Variants in DIDO1 observed in about 807,000 individuals in gnomAD.
DIDO1 encodes death-inducer obliterator 1.
In DIDO1, 16 loss-of-function variants were observed where a neutral mutation model predicts 99.4. The observed-to-expected ratio is 0.16, with a 90% CI of 0.11 to 0.24. The LOEUF (loss-of-function observed/expected upper bound fraction) is 0.24, where lower values mean the gene tolerates loss of function less well. Among genes scored for constraint, DIDO1 ranks in the 10% least tolerant of loss-of-function variants. The pLI is 1.00. For synonymous variants in DIDO1, 1,366 were observed against 1,239.1 expected, an observed-to-expected ratio of 1.10 and a Z score of -2.15; for missense variants, 2,996 against 3,014.0, an observed-to-expected ratio of 0.99 and a Z score of 0.14.
Position 62,881,512 on chromosome 20 carries a change from G to A in DIDO1, c.4444C>T (p.Leu1482=). Residue 1482 remains leucine (L), a synonymous_variant, in exon 16 of 16, where the codon CTG becomes TTG. Transcript: ENST00000395343. This position sits in a 1 kb window ranked among gnomAD's most constrained non-coding sequence, Gnocchi z 8.3. The part of the protein sequence containing the change: ...LVEQQKMLEE[L]NKQIEEQKRQ... ...TTCTGCTCCTCGATCTGTTTGTTCA[G>A]CTCTTCTAGCATCTTCTGTTGCTCC... 1 of 1,611,192 alleles carries A rather than the reference G, an allele frequency of 6.2e-7. No homozygotes were observed. Among genetic ancestry groups the A allele is most frequent in the Middle Eastern group, 1.6e-4 (1 of 6,062 alleles).
In DIDO1 at chr20:62,896,635, C is replaced by T. The variant is rs756256973; in HGVS notation, c.1950G>A (p.Ser650=). 30 of 1,613,878 alleles carry T rather than the reference C, an allele frequency of 1.9e-5. No individual in the cohort carries two copies. Among genetic ancestry groups the T allele is most frequent in the South Asian group, 9.9e-5 (9 of 91,078 alleles). ...TAGCCCCAAGGCGTCCTGGGGCTGG[C>T]GAGGCCATTGGAACAGAAGGTACCA... ...KPVVPSVPMA[S]PAPGRLGAMS... Residue 650 remains serine, a synonymous_variant, in exon 7 of 16, where the codon TCG becomes TCA. Transcript: ENST00000395343. This position sits in a 1 kb window ranked among gnomAD's most constrained non-coding sequence, Gnocchi z 4.4.
Position 62,895,135 on chromosome 20 carries a change from T to C in DIDO1, c.2245A>G (p.Ile749Val), listed in dbSNP as rs545642235. 3.7e-6 allele frequency: 6 copies of C among 1,611,806 alleles called. No homozygotes were observed. Among genetic ancestry groups the C allele is most frequent in the Non-Finnish European group, 2.5e-6 (3 of 1,178,106 alleles). The change falls in exon 9 of 16, where the codon ATC becomes GTC. Residue 749 changes from isoleucine to valine, a missense_variant. Around this residue, in one of 5 missense-constraint regions of DIDO1, gnomAD observed 898 missense variants for 972.7 expected, o/e 0.92. Transcript: ENST00000395343. ...GLFHRVLREEISLAKLVRLKP... is the reference protein window; with the variant it reads ...GLFHRVLREEVSLAKLVRLKP... ...AGTCTCACAAGTTTCGCCAAAGAGA[T>C]TTCCTCACGCAGAACACGATGGAAG...
chr20:62,895,995 G>T (rs989385107), intron 8 of DIDO1, among the ~76,000 whole-genome samples: 1 of 152,200 alleles, frequency 6.6e-6, no homozygotes, highest in Non-Finnish European at 1.5e-5. Flanking sequence ...GTGATAAAAG[G>T]TGGACTTCAG....
intron 1 of DIDO1, among the ~76,000 whole-genome samples, chr20:62,932,426 CA>C (rs2065341110): frequency 6.6e-6 from 1 of 152,222 alleles, no homozygotes; most frequent in Non-Finnish European, 1.5e-5. Context: ...TGTATATTTA[CA>C]TATATTTTTT....
chr20:62,926,173 C>A (rs1241096952), intron 1 of DIDO1, among the ~76,000 whole-genome samples: 1 of 152,104 alleles, frequency 6.6e-6, no homozygotes, highest in Non-Finnish European at 1.5e-5. Flanking sequence ...GCTCGCCAGT[C>A]CCCTCGACCT....
intron 1 of DIDO1, among the ~76,000 whole-genome samples, chr20:62,919,527 CA>C (rs1254874275): frequency 6.7e-6 from 1 of 149,032 alleles, no homozygotes; most frequent in African/African-American, 2.5e-5. Context: ...GCAACAAGAG[CA>C]AAACTCCCTC....
In DIDO1 at chr20:62,931,819, A is replaced by C. The variant is rs1400533523; in HGVS notation, c.-200+5977T>G. Among the ~76,000 whole-genome samples, 4 of 152,238 alleles carry C rather than the reference A, an allele frequency of 2.6e-5. No individual in the cohort carries two copies. The South Asian group carries it at 6.2e-4, about 24-fold the overall frequency. The stretch of plus-strand genomic sequence containing the variant: ...GCTACAATTGTGCAGGCTACAATTA[A>C]AGATTTTTTTCTTAAATGAAAACAC... On this transcript the variant is annotated intron_variant, in intron 1 of 15. Coordinates refer to the DIDO1 transcript ENST00000266070.
intron 1 of DIDO1, among the ~76,000 whole-genome samples, chr20:62,915,608 C>T (rs1017186246): frequency 3.9e-5 from 6 of 152,174 alleles, no homozygotes; most frequent in Non-Finnish European, 7.3e-5. Flanking sequence ...CCTGGCTTAG[C>T]CTCATGAGCA....
chr20:62,895,826 C>T (rs372720267), intron 8 of DIDO1, among the ~76,000 whole-genome samples: 23 of 152,290 alleles, frequency 1.5e-4, no homozygotes, highest in African/African-American at 3.4e-4. Context: ...CAGGCTCACT[C>T]GGCTGATGAG....
chr20:62,924,600 C>T (rs1321618737), intron 1 of DIDO1, among the ~76,000 whole-genome samples: 3 of 152,154 alleles, frequency 2.0e-5, no homozygotes. Context: ...GCGAACAAAA[C>T]GGGAGCCAAT....
intron 15 of DIDO1, chr20:62,890,473 G>A (rs1357904956): frequency 4.0e-6 from 4 of 992,758 alleles, no homozygotes; most frequent in African/African-American, 1.7e-5. Context: ...AATTTGAGCT[G>A]CAGATTTTAA....
Position 62,894,263 on chromosome 20 carries a change from A to C in DIDO1, c.2573-69T>G. On this transcript the variant is annotated intron_variant, in intron 11 of 15. Transcript: ENST00000395343. The surrounding 1 kb of genome is among the most constrained non-coding windows in gnomAD (Gnocchi z 4.4). Reference sequence around the variant, plus strand: ...CACTGGTGTTTCTCACACAAAGCCGAAAGCAATACTCTAAAGGCAGGGCAG... The same window carrying C: ...CACTGGTGTTTCTCACACAAAGCCGCAAGCAATACTCTAAAGGCAGGGCAG... 1 of 1,582,600 alleles carries C rather than the reference A, an allele frequency of 6.3e-7. No homozygotes were observed. Among genetic ancestry groups the C allele is most frequent in the Non-Finnish European group, 8.6e-7 (1 of 1,162,826 alleles).
intron 4 of DIDO1, among the ~76,000 whole-genome samples, chr20:62,908,566 T>G (rs1473899673): frequency 3.3e-5 from 5 of 152,178 alleles, no homozygotes; most frequent in Non-Finnish European, 7.3e-5. Flanking sequence ...CACGAACATG[T>G]CCCTCACACA....
Position 62,893,662 on chromosome 20 carries a change from G to C in DIDO1, c.3101+4C>G, listed in dbSNP as rs548421280. The C allele has an allele frequency of 1.9e-6, 3 of 1,592,280 alleles. No individual in the cohort carries two copies. The highest frequency in any genetic ancestry group is 2.2e-5 in the South Asian group (2 of 89,840). On this transcript the variant is annotated splice_donor_region_variant and intron_variant, in intron 12 of 15. Coordinates refer to ENST00000395343, the MANE Select transcript of DIDO1 (RefSeq NM_001193369.2). ...CTTGTTCAGACCACACCTGAAGTAC[G>C]CACCTGATATTTGGTGACGGAGGAA... is the stretch of plus-strand genomic sequence containing the variant.
chr20:62,905,393 C>A lies in DIDO1; in HGVS notation c.1588+494G>T. On this transcript the variant is annotated intron_variant, in intron 6 of 15. Coordinates refer to ENST00000395343, the MANE Select transcript of DIDO1 (RefSeq NM_001193369.2). ...CAAAAATAAATGTACACCTGAAAAT[C>A]AGATGCAACACTAACTTGCAAAGAT... is the stretch of plus-strand genomic sequence containing the variant. 1 of 1,459,018 alleles carries A rather than the reference C, an allele frequency of 6.9e-7. No individual in the cohort carries two copies. The highest frequency in any genetic ancestry group is 1.5e-5 in the South Asian group (1 of 68,832). 90.4% of individuals were successfully genotyped at this position (1,459,018 alleles called of 1,614,324 possible). A position where few individuals can be genotyped will look rare whatever the true frequency, so the allele number is the denominator to read the frequency against.
At chr20:62,892,103 C>T in intron 13 of DIDO1, 27 bp from the exon 14 acceptor site, 1 of 1,596,546 alleles carries the variant, frequency 6.3e-7, no homozygotes, top group South Asian at 1.1e-5. Context: ...TTGCGTAAAT[C>T]ACTTTGAACT....
intron 1 of DIDO1, chr20:62,937,671 C>T: frequency 5.1e-6 from 2 of 393,318 alleles, no homozygotes. Context: ...GGGACACTAG[C>T]CCTGGAAGGC....
At chr20:62,917,734 T>C (rs1171575089) in intron 1 of DIDO1, among the ~76,000 whole-genome samples, 1 of 152,206 alleles carries the variant, frequency 6.6e-6, no homozygotes, top group Non-Finnish European at 1.5e-5. Context: ...TACTGCATCA[T>C]CAGGGACATT....
chr20:62,893,986 C>T lies in DIDO1; in HGVS notation c.2781G>A (p.Thr927=), dbSNP rs765743542. 25 of 1,613,838 alleles carry T rather than the reference C, an allele frequency of 1.5e-5. No homozygotes were observed. The highest frequency in any genetic ancestry group is 3.3e-5 in the South Asian group (3 of 91,090). ...CATCTCCTGGAGGCCCAGGGAAATA[C>T]GTTCTGTCCACATTTGGATGAGAAG... ...ESASHPNVDR[T]YFPGPPGDGH... The change falls in exon 12 of 16, where the codon ACG becomes ACA. Residue 927 remains threonine (T), a synonymous_variant. Coordinates refer to ENST00000395343, the MANE Select transcript of DIDO1 (RefSeq NM_001193369.2).
Sources: allele counts gnomAD v4.1 joint callset (sites outside exome capture counted in the v4.1 genomes callset), GRCh38; gene constraint gnomAD v4.1.1; regional missense constraint gnomAD v4.1.1; non-coding constraint Gnocchi (gnomAD v3.1); transcripts MANE v1.5; gene names NCBI Gene and HGNC (gene_info 2026-07-23, HGNC 2026-07-21).